Variants in DLC1 observed in about 807,000 individuals in gnomAD.
The protein encoded by DLC1 is DLC1 Rho GTPase activating protein, also known as rho GTPase-activating protein 7.
DLC1 carries 54 observed loss-of-function variants against 140.3 expected under a neutral mutation model. That is an observed-to-expected ratio of 0.38 (90% CI 0.31 to 0.48). The LOEUF (loss-of-function observed/expected upper bound fraction) is 0.48. Ranked by LOEUF, DLC1 falls within the 20% of genes least tolerant of loss-of-function variation. The pLI is 0.96. For missense variants in DLC1, 2,536 were observed against 1,907.0 expected (o/e 1.33, Z -6.14); for synonymous variants, 986 against 728.1 (o/e 1.35, Z -5.70).
chr8:13,596,483 C>A (rs1007373161), intron 1 of DLC1, among the ~76,000 whole-genome samples: 5 of 151,886 alleles, frequency 3.3e-5, no homozygotes, highest in Non-Finnish European at 7.4e-5. Flanking sequence ...TCCTTAGAGG[C>A]CTTTCTTAAA....
chr8:13,506,245 G>T (rs2117229359), intron 1 of DLC1, among the ~76,000 whole-genome samples: 1 of 151,956 alleles, frequency 6.6e-6, no homozygotes, highest in South Asian at 2.1e-4. Context: ...ATATATAAAT[G>T]AACACGCTAT....
chr8:13,140,334 G>C (rs1822887549), intron 5 of DLC1, among the ~76,000 whole-genome samples: 1 of 152,140 alleles, frequency 6.6e-6, no homozygotes, highest in South Asian at 2.1e-4. Flanking sequence ...CTGGGCTCAA[G>C]TGATCCTCCC....
intron 2 of DLC1, among the ~76,000 whole-genome samples, chr8:13,485,301 C>A (rs1350100252): frequency 1.3e-5 from 2 of 152,310 alleles, no homozygotes; most frequent in East Asian, 1.9e-4. Flanking sequence ...GTTTTATTCA[C>A]TCATCATAAA....
chr8:13,211,149 G>A (rs989364245), intron 5 of DLC1, among the ~76,000 whole-genome samples: 9 of 152,260 alleles, frequency 5.9e-5, no homozygotes, highest in East Asian at 5.8e-4. Flanking sequence ...TATAAATGCC[G>A]TGGCAACGAC....
At chr8:13,494,007 T>C (rs1029615446) in intron 2 of DLC1, among the ~76,000 whole-genome samples, 3 of 152,226 alleles carry the variant, frequency 2.0e-5, no homozygotes, top group African/African-American at 7.2e-5. Context: ...GTACAGTATG[T>C]ACAATATAAT....
chr8:13,236,364 T>C (rs1351951256), intron 5 of DLC1, among the ~76,000 whole-genome samples: 1 of 152,098 alleles, frequency 6.6e-6, no homozygotes, highest in African/African-American at 2.4e-5. Context: ...AGCGCTATTG[T>C]ACTTTAAGTA....
At chr8:13,165,325 C>A (rs1306721719) in intron 5 of DLC1, among the ~76,000 whole-genome samples, 1 of 152,066 alleles carries the variant, frequency 6.6e-6, no homozygotes, top group Non-Finnish European at 1.5e-5. Context: ...AGGTAAGTGG[C>A]CTACTTCAGA....
intron 4 of DLC1, among the ~76,000 whole-genome samples, chr8:13,332,366 G>C (rs921739721): frequency 6.6e-6 from 1 of 151,856 alleles, no homozygotes; most frequent in African/African-American, 2.4e-5. Context: ...AATGACCAGA[G>C]CACACATAGC....
chr8:13,095,429 C>T (rs1818429030), intron 10 of DLC1, 184 bp from the exon 11 acceptor site: 3 of 680,352 alleles, frequency 4.4e-6, no homozygotes, highest in Non-Finnish European at 7.4e-6. Flanking sequence ...ACTTCAGGTG[C>T]TCCTTCATCT....
chr8:13,159,303 C>G (rs1311058062), intron 5 of DLC1, among the ~76,000 whole-genome samples: 2 of 152,154 alleles, frequency 1.3e-5, no homozygotes, highest in Non-Finnish European at 2.9e-5. Flanking sequence ...CACGGGATGC[C>G]AAGCGGGCAT....
Position 13,529,320 on chromosome 8 carries a change from T to C in DLC1, c.-125-29124A>G, listed in dbSNP as rs569094874. On this transcript the variant is annotated intron_variant, in intron 1 of 1. Transcript: ENST00000631382. Reference sequence around the variant, plus strand: ...AACAATTAACTTGTCACCTGATAATTTCTATAATTAGACATGCATTATACC... The same window carrying C: ...AACAATTAACTTGTCACCTGATAATCTCTATAATTAGACATGCATTATACC... 5.3e-5 allele frequency among the ~76,000 whole-genome samples: 8 copies of C among 152,290 alleles called. No homozygotes were observed. In the South Asian group the frequency reaches 1.7e-3, roughly 32 times the overall value.
chr8:13,553,204 A>G (rs913220833), intron 1 of DLC1, among the ~76,000 whole-genome samples: 1 of 34,778 alleles, frequency 2.9e-5, no homozygotes. Context: ...GCCAGCTGTC[A>G]TATATATATA....
intron 4 of DLC1, among the ~76,000 whole-genome samples, chr8:13,305,514 T>G (rs1264324164): frequency 1.3e-5 from 2 of 152,200 alleles, no homozygotes; most frequent in African/African-American, 4.8e-5. Flanking sequence ...GAAGACAGAC[T>G]CAAATGAATG....
intron 2 of DLC1, among the ~76,000 whole-genome samples, chr8:13,442,433 G>T (rs1798560905): frequency 6.6e-6 from 1 of 152,130 alleles, no homozygotes; most frequent in South Asian, 2.1e-4. Flanking sequence ...CAGAATGGGA[G>T]AAAATTTTTG....
intron 1 of DLC1, among the ~76,000 whole-genome samples, chr8:13,523,558 T>C (rs761810854): frequency 1.3e-5 from 2 of 152,154 alleles, no homozygotes; most frequent in Admixed American, 6.6e-5. Flanking sequence ...TCAAACGTAT[T>C]TGCAATTTAA....
intron 1 of DLC1, among the ~76,000 whole-genome samples, chr8:13,589,755 C>T (rs1333428983): frequency 1.3e-5 from 2 of 150,290 alleles, no homozygotes; most frequent in African/African-American, 4.9e-5. Flanking sequence ...TTTTTTCCAA[C>T]AGAGATTGTG....
chr8:13,500,358 C>G (rs956908118), intron 1 of DLC1, among the ~76,000 whole-genome samples, 162 bp from the exon 2 acceptor site: 1 of 152,052 alleles, frequency 6.6e-6, no homozygotes, highest in Non-Finnish European at 1.5e-5. Context: ...AAGCCTAATA[C>G]TAGAAGGAAA....
chr8:13,226,579 C>A (rs1465245295), intron 5 of DLC1, among the ~76,000 whole-genome samples: 3 of 152,154 alleles, frequency 2.0e-5, no homozygotes, highest in Non-Finnish European at 4.4e-5. Context: ...CTAGTCTGTC[C>A]TTAAGGGGTG....
intron 5 of DLC1, among the ~76,000 whole-genome samples, chr8:13,152,245 C>T (rs1415394515): frequency 2.0e-5 from 3 of 152,138 alleles, no homozygotes; most frequent in Non-Finnish European, 4.4e-5. Context: ...CTGAAATGAC[C>T]CAGAAGTTAC....
Sources: gnomAD v4.1 joint callset for allele counts (sites outside exome capture counted in the v4.1 genomes callset) on GRCh38, gnomAD v4.1.1 for gene constraint, MANE v1.5 for transcripts, NCBI Gene and HGNC (gene_info 2026-07-23, HGNC 2026-07-21) for gene names.